Variants in CDHR2 observed in about 807,000 individuals in gnomAD.
CDHR2 encodes the protein cadherin related family member 2.
In CDHR2, 104 loss-of-function variants were observed where a neutral mutation model predicts 138.6. The observed-to-expected ratio is 0.75, with a 90% CI of 0.64 to 0.88. CDHR2 has a LOEUF of 0.88. Ranked by LOEUF, CDHR2 falls within the 40% of genes least tolerant of loss-of-function variation. The pLI is 0.00. For synonymous variants in CDHR2, 755 were observed against 742.8 expected, an observed-to-expected ratio of 1.02 and a Z score of -0.27; for missense variants, 1,624 against 1,727.6, an observed-to-expected ratio of 0.94 and a Z score of 1.06.
chr5:176,560,347 G>A (rs374133232), intron 1 of CDHR2, among the ~76,000 whole-genome samples: 12 of 151,616 alleles, frequency 7.9e-5, no homozygotes, highest in Non-Finnish European at 1.5e-4. Context: ...AGTGAGCCAA[G>A]ATCGCACTAC....
chr5:176,565,624 G>A (rs747916505), intron 2 of CDHR2, 48 bp from the exon 3 acceptor site: 22 of 1,541,188 alleles, frequency 1.4e-5, no homozygotes, highest in Middle Eastern at 1.7e-4. Context: ...GGTAGGGATC[G>A]GGTTTTGCAG....
In CDHR2 at chr5:176,590,499, G is replaced by C. The variant is rs1473534708; in HGVS notation, c.3414+14G>C. The C allele has an allele frequency of 6.2e-7, 1 of 1,614,058 alleles. No homozygotes were observed. Among genetic ancestry groups the C allele is most frequent in the Non-Finnish European group, 8.5e-7 (1 of 1,179,996 alleles). On this transcript the variant is annotated intron_variant, in intron 27 of 31. Transcript: ENST00000261944. ...CTGGTGGTGCTGGTGAGTGCGGGCA[G>C]GGCGGGGCAGCAGGTGGGGCTGCTG...
Position 176,589,586 on chromosome 5 carries a change from A to C in CDHR2, c.3176A>C (p.Glu1059Ala). The change falls in exon 24 of 32, where the codon GAG (glutamate) becomes GCG (alanine). Residue 1059 changes from glutamate to alanine, a missense_variant. By Grantham distance (107) the Glu-to-Ala change is moderately radical (BLOSUM62 -1). Around this residue, in one of 3 missense-constraint regions of CDHR2, gnomAD observed 556 missense variants for 565.7 expected, o/e 0.98. Transcript: ENST00000261944. ...CTGCAGTTCTCCACACCGAAGGAGGAGGTGGGCGCCAACAGACAGGCGATT... is the reference window on the plus strand; with the variant it reads ...CTGCAGTTCTCCACACCGAAGGAGGCGGTGGGCGCCAACAGACAGGCGATT... ...SRLQFSTPKE[E>A]VGANRQAINA... The C allele has an allele frequency of 1.2e-6, 2 of 1,613,950 alleles. 1 individual carries two copies. Among genetic ancestry groups the C allele is most frequent in the South Asian group, 2.2e-5 (2 of 91,074 alleles).
chr5:176,584,460 A>G lies in CDHR2; in HGVS notation c.2179A>G (p.Asn727Asp), dbSNP rs1457867318. ...CTGGGACGCGGACCAGACGGAAGCC[A>G]ACAACCGCATCAGCTTCAGCCTGTC... ...KAWDADQTEA[N>D]NRISFSLSGS... is the part of the protein sequence containing the mutation. The change falls in exon 19 of 32, where the codon AAC (asparagine) becomes GAC (aspartate). Residue 727 changes from asparagine to aspartate, a missense_variant. Transcript: ENST00000261944. 2 of 1,608,736 alleles carry G rather than the reference A, an allele frequency of 1.2e-6. No individual in the cohort carries two copies. The highest frequency in any genetic ancestry group is 1.1e-5 in the South Asian group (1 of 90,274).
chr5:176,561,153 G>A (rs2113270631), intron 1 of CDHR2, among the ~76,000 whole-genome samples: 1 of 152,330 alleles, frequency 6.6e-6, no homozygotes, highest in Middle Eastern at 3.4e-3. Flanking sequence ...TGTGAGCTAG[G>A]CACTGTTTAA....
In CDHR2 at chr5:176,578,456, C is replaced by G. The variant is rs755992848; in HGVS notation, c.1666C>G (p.Leu556Val). The G allele has an allele frequency of 2.5e-6, 4 of 1,613,856 alleles. No individual in the cohort carries two copies. In the Admixed American group the frequency reaches 6.7e-5, roughly 27 times the overall value. The change falls in exon 16 of 32, where the codon CTG becomes GTG. Residue 556 changes from leucine to valine, a missense_variant. Physicochemically the swap from Leu to Val is conservative, Grantham distance 32. This residue lies in a region of CDHR2 where 1,061 missense variants were observed against 1,136.6 expected (regional missense o/e 0.93). Coordinates refer to ENST00000261944, the MANE Select transcript of CDHR2 (RefSeq NM_017675.6). The part of the protein sequence containing the change: ...LDRESQAVYY[L>V]TLQATDGGNL... ...CCGGGAGAGCCAGGCCGTGTACTAC[C>G]TGACGCTGCAGGCCACAGACGGCGG...
Position 176,576,199 on chromosome 5 carries a change from C to A in CDHR2, c.1194+14C>A. ...GACCCGGACAAGGCAGGCGTGGTGG[C>A]GTGGGTGTGGGCGGGGGTGGCTGGG... On this transcript the variant is annotated intron_variant, in intron 12 of 31. Coordinates refer to ENST00000261944, the MANE Select transcript of CDHR2 (RefSeq NM_017675.6). The surrounding 1 kb of genome is among the most constrained non-coding windows in gnomAD (Gnocchi z 4.5). The A allele has an allele frequency of 1.8e-6, 2 of 1,111,692 alleles. No homozygotes were observed. The highest frequency in any genetic ancestry group is 2.6e-6 in the Non-Finnish European group (2 of 780,694). 68.9% of individuals were successfully genotyped at this position (1,111,692 alleles called of 1,614,324 possible). A position where few individuals can be genotyped will look rare whatever the true frequency, so the allele number is the denominator to read the frequency against.
chr5:176,547,934 C>T (rs781245731), upstream of CDHR2, among the ~76,000 whole-genome samples: 1 of 152,204 alleles, frequency 6.6e-6, no homozygotes, highest in African/African-American at 2.4e-5. Context: ...CCCTTAACAA[C>T]GGGGACACCT....
upstream of CDHR2, among the ~76,000 whole-genome samples, chr5:176,545,815 C>T (rs768065899): frequency 1.3e-5 from 2 of 152,234 alleles, no homozygotes; most frequent in Non-Finnish European, 2.9e-5. Flanking sequence ...GGACCTGGAT[C>T]GTCATAGCCC....
rs750213180 is a variant in CDHR2, at chr5:176,577,568, C to G, written c.1350+14C>G. 6.2e-7 allele frequency: 1 copy of G among 1,613,696 alleles called. No homozygotes were observed. The highest frequency in any genetic ancestry group is 8.5e-7 in the Non-Finnish European group (1 of 1,179,770). On this transcript the variant is annotated intron_variant, in intron 13 of 31. Coordinates refer to ENST00000261944, the MANE Select transcript of CDHR2 (RefSeq NM_017675.6). ...ATGGCGGTGCAGGTGAGGGCTGCTC[C>G]GGGGTGCCAGGGGCAGAAGCCGAGG... is the stretch of plus-strand genomic sequence containing the variant.
At chr5:176,562,178 T>C (rs1377427786) in intron 1 of CDHR2, among the ~76,000 whole-genome samples, 1 of 151,258 alleles carries the variant, frequency 6.6e-6, no homozygotes, top group East Asian at 1.9e-4. Flanking sequence ...CATCGAAGGG[T>C]TTTGAGTGAG....
chr5:176,569,119 T>G, intron 5 of CDHR2, 109 bp downstream of exon 5: 1 of 917,264 alleles, frequency 1.1e-6, no homozygotes, highest in Non-Finnish European at 1.7e-6. Context: ...GAATTTAATG[T>G]TTATTTATAT....
In CDHR2 at chr5:176,585,025, C is replaced by T; in HGVS notation, c.2734+10C>T. The stretch of plus-strand genomic sequence containing the variant: ...GCCTACAGCAACAATGGTAAGGCAG[C>T]CTGTCCTTGCAGGGCTTGGCAGGCC... On this transcript the variant is annotated intron_variant, in intron 19 of 31. Transcript: ENST00000261944. The T allele has an allele frequency of 1.3e-6, 2 of 1,537,580 alleles. No homozygotes were observed. Among genetic ancestry groups the T allele is most frequent in the Non-Finnish European group, 1.8e-6 (2 of 1,137,576 alleles).
In CDHR2 at chr5:176,575,727, C is replaced by G. The variant is rs1758359990; in HGVS notation, c.848C>G (p.Ser283Cys). Residue 283 changes from serine (S) to cysteine (C), a missense_variant, in exon 11 of 32, where the codon TCC (serine) becomes TGC (cysteine). Ser to Cys is a moderately radical substitution (Grantham distance 112). This residue lies in a region of CDHR2 where 1,061 missense variants were observed against 1,136.6 expected (regional missense o/e 0.93). Transcript: ENST00000261944. ...NDPVIYSISYSTRPGWFDIGA... is the reference protein window; with the variant it reads ...NDPVIYSISYCTRPGWFDIGA... ...GTTCCGCCTTTCTCCTTGCCAGACT[C>G]CACGCGGCCCGGCTGGTTTGACATC... The G allele has an allele frequency of 1.3e-6, 2 of 1,578,700 alleles. No individual in the cohort carries two copies. The highest frequency in any genetic ancestry group is 1.1e-5 in the South Asian group (1 of 87,646).
At chr5:176,590,713 T>C (rs1357958383) in intron 28 of CDHR2, 26 bp downstream of exon 28, 1 of 1,612,058 alleles carries the variant, frequency 6.2e-7, no homozygotes, top group East Asian at 2.2e-5. Context: ...CCCCCGTGTC[T>C]CCAACCTTCA....
intron 24 of CDHR2, 109 bp from the exon 25 acceptor site, chr5:176,589,969 A>G (rs1446428395): frequency 1.1e-6 from 1 of 874,772 alleles, no homozygotes; most frequent in Non-Finnish European, 1.9e-6. Flanking sequence ...AGAGCTGTCC[A>G]GAGGAGGTGC....
chr5:176,567,698 G>A (rs1258861855), intron 3 of CDHR2, among the ~76,000 whole-genome samples: 4 of 151,956 alleles, frequency 2.6e-5, no homozygotes, highest in African/African-American at 9.7e-5. Flanking sequence ...TCACCATGTC[G>A]GCCAAGCTGG....
Position 176,591,326 on chromosome 5 carries a change from G to T in CDHR2, c.3653+3G>T, listed in dbSNP as rs1277324736. 6.2e-7 allele frequency: 1 copy of T among 1,612,930 alleles called. No homozygotes were observed. Among genetic ancestry groups the T allele is most frequent in the Non-Finnish European group, 8.5e-7 (1 of 1,178,936 alleles). ...ACTAACATGTACAACACTGAGCGGT[G>T]AGCAGGGGTCAAAGGGTAGGTAAGA... On this transcript the variant is annotated splice_donor_region_variant and intron_variant, in intron 29 of 31. Transcript: ENST00000261944.
intron 1 of CDHR2, among the ~76,000 whole-genome samples, chr5:176,551,794 C>T (rs891529174): frequency 3.3e-5 from 5 of 150,050 alleles, no homozygotes; most frequent in East Asian, 2.0e-4. Context: ...CTCCGCTTCC[C>T]GGGTTCACGC....
Sources: gnomAD v4.1 joint callset for allele counts (sites outside exome capture counted in the v4.1 genomes callset) on GRCh38, gnomAD v4.1.1 for gene constraint, gnomAD v4.1.1 regional missense constraint, Gnocchi (gnomAD v3.1) non-coding constraint, MANE v1.5 for transcripts, NCBI Gene and HGNC (gene_info 2026-07-23, HGNC 2026-07-21) for gene names.